ARHGAP26: variants seen among roughly 807,000 people sequenced by gnomAD.
ARHGAP26 encodes Rho GTPase activating protein 26.
Under a neutral mutation model 104.8 loss-of-function variants are expected in ARHGAP26, and 38 were observed. That is an observed-to-expected ratio of 0.36 (90% CI 0.28 to 0.48). The LOEUF (loss-of-function observed/expected upper bound fraction) is 0.48, where lower values mean the gene tolerates loss of function less well. ARHGAP26 is among the 20% of genes least tolerant of loss of function. The probability of loss-of-function intolerance (pLI) is 0.99; values close to 1 mark genes in which losing one functional copy is unlikely to be tolerated. For synonymous variants in ARHGAP26, 341 were observed against 340.0 expected (o/e 1.00, Z -0.03); for missense variants, 704 against 947.9 (o/e 0.74, Z 3.38).
intron 3 of ARHGAP26, among the ~76,000 whole-genome samples, chr5:142,878,438 T>C (rs1017683359): frequency 2.0e-5 from 3 of 152,188 alleles, no homozygotes; most frequent in African/African-American, 7.2e-5. Flanking sequence ...CGTTCAAATA[T>C]GTTTGAGTGC....
At chr5:143,110,821 C>G (rs1185844180) in intron 17 of ARHGAP26, among the ~76,000 whole-genome samples, 3 of 152,178 alleles carry the variant, frequency 2.0e-5, no homozygotes, top group Non-Finnish European at 4.4e-5. Context: ...CTGCTCTTCC[C>G]CATCTGCACC....
Position 143,213,993 on chromosome 5 carries a change from A to G in ARHGAP26, c.2100-4A>G. 6.4e-7 allele frequency: 1 copy of G among 1,573,628 alleles called. No homozygotes were observed. The highest frequency in any genetic ancestry group is 8.7e-7 in the Non-Finnish European group (1 of 1,150,086). ...ATGTTAAATAAACTCCTGTTTTCAC[A>G]CAGCACACCGTTCCGGAAGGCAAAA... On this transcript the variant is annotated splice_region_variant and splice_polypyrimidine_tract_variant and intron_variant, in intron 21 of 22. Coordinates refer to ENST00000645722, the MANE Select transcript of ARHGAP26 (RefSeq NM_001135608.3).
intron 10 of ARHGAP26, among the ~76,000 whole-genome samples, chr5:142,931,505 T>C (rs1035338273): frequency 1.3e-5 from 2 of 152,180 alleles, no homozygotes. Context: ...TTTTAAAAAA[T>C]ACTGTGCACA....
chr5:143,185,820 G>A (rs146913669), intron 20 of ARHGAP26, among the ~76,000 whole-genome samples: 3 of 152,234 alleles, frequency 2.0e-5, no homozygotes, highest in East Asian at 3.9e-4. Flanking sequence ...CAAGGCTGGC[G>A]AGCAGAGGAG....
In ARHGAP26 at chr5:143,168,445, C is replaced by CTTTTTTTTTTTTTTTTTTTTT. The variant is rs10610584; in HGVS notation, c.1988+21075_1988+21095dup. On this transcript the variant is annotated intron_variant, in intron 20 of 22. Coordinates refer to ENST00000645722, the MANE Select transcript of ARHGAP26 (RefSeq NM_001135608.3). ...CAAATAGACCTCACCATCTGGAACTCTTTTTTTTTTTTTTTTTTTTTTTTT... is the reference window on the plus strand; with the variant it reads ...CAAATAGACCTCACCATCTGGAACTCTTTTTTTTTTTTTTTTTTTTTTTTTTTTTTTTTTTTTTTTTTTTTT... 3.1e-4 allele frequency: 8 copies of CTTTTTTTTTTTTTTTTTTTTT among 25,708 alleles called. 2 individuals are homozygous for CTTTTTTTTTTTTTTTTTTTTT. The highest frequency in any genetic ancestry group is 4.1e-4 in the Non-Finnish European group (6 of 14,546). The allele number at this position is 25,708 out of a possible 1,614,324, so 1.6% of individuals were successfully genotyped here.
In ARHGAP26 at chr5:143,004,745, A is replaced by G. The variant is rs563257326; in HGVS notation, c.1108-9335A>G. On this transcript the variant is annotated intron_variant, in intron 11 of 22. Coordinates refer to ENST00000645722, the MANE Select transcript of ARHGAP26 (RefSeq NM_001135608.3). Reference sequence around the variant, plus strand: ...ATGTTTTGAAGCCTTCTCTTCTCCAACCAACACTGTGGTTTAGGGAAACAC... The same window carrying G: ...ATGTTTTGAAGCCTTCTCTTCTCCAGCCAACACTGTGGTTTAGGGAAACAC... Among the ~76,000 whole-genome samples the G allele has an allele frequency of 4.6e-5, 7 of 152,280 alleles. No homozygotes were observed. The East Asian group carries it at 7.7e-4, about 17-fold the overall frequency.
At chr5:143,098,996 T>TA (rs1162478540) in intron 17 of ARHGAP26, among the ~76,000 whole-genome samples, 1 of 152,186 alleles carries the variant, frequency 6.6e-6, no homozygotes, top group Non-Finnish European at 1.5e-5. Flanking sequence ...GAGGCTTGTT[T>TA]ATATGTCCAA....
At chr5:143,182,573 A>G (rs1804537590) in intron 20 of ARHGAP26, among the ~76,000 whole-genome samples, 1 of 152,236 alleles carries the variant, frequency 6.6e-6, no homozygotes, top group African/African-American at 2.4e-5. Context: ...TTGATAAGCT[A>G]TGAACTCCTT....
At chr5:143,219,246 A>T in intron 22 of ARHGAP26, among the ~76,000 whole-genome samples, 1 of 152,226 alleles carries the variant, frequency 6.6e-6, no homozygotes, top group East Asian at 1.9e-4. Flanking sequence ...TCTCATCTGC[A>T]AAATACAGAT....
Position 143,228,228 on chromosome 5 carries a change from A to G in ARHGAP26, c.*5782A>G, listed in dbSNP as rs2151447499. Reference sequence around the variant, plus strand: ...GACAATGCACATCTGTTGATTCTAAAGTATATTTATGTGTGTGTGTATGTG... The same window carrying G: ...GACAATGCACATCTGTTGATTCTAAGGTATATTTATGTGTGTGTGTATGTG... On this transcript the variant is annotated 3_prime_UTR_variant, in exon 23 of 23. Transcript: ENST00000645722. 1 of 224,546 alleles carries G rather than the reference A, an allele frequency of 4.5e-6. No individual in the cohort carries two copies. Among genetic ancestry groups the G allele is most frequent in the Middle Eastern group, 1.3e-3 (1 of 748 alleles). 13.9% of individuals were successfully genotyped at this position (224,546 alleles called of 1,614,324 possible).
At chr5:143,050,113 G>A (rs1257076105) in intron 14 of ARHGAP26, among the ~76,000 whole-genome samples, 1 of 152,150 alleles carries the variant, frequency 6.6e-6, no homozygotes, top group African/African-American at 2.4e-5. Context: ...TGTTGTTGGT[G>A]GGCAGAGGGC....
chr5:142,770,724 G>C lies in ARHGAP26; in HGVS notation c.-38G>C. The C allele has an allele frequency of 8.4e-7, 1 of 1,187,456 alleles. No individual in the cohort carries two copies. Among genetic ancestry groups the C allele is most frequent in the Non-Finnish European group, 1.1e-6 (1 of 951,452 alleles). 73.6% of individuals were successfully genotyped at this position (1,187,456 alleles called of 1,614,324 possible). A position where few individuals can be genotyped will look rare whatever the true frequency, so the allele number is the denominator to read the frequency against. On this transcript the variant is annotated 5_prime_UTR_variant, in exon 1 of 23. Transcript: ENST00000645722. ...CTGGGCGGCGGGCGGCCCGGGCCCC[G>C]GCGGAGGCGCGCCCCCCGGCTGGGC...
chr5:142,963,102 C>G (rs886252761), intron 11 of ARHGAP26, among the ~76,000 whole-genome samples: 4 of 150,268 alleles, frequency 2.7e-5, no homozygotes, highest in African/African-American at 7.4e-5. Context: ...ACCTCCAGCT[C>G]CATCCATCTT....
chr5:142,777,922 C>T (rs1213958917), intron 1 of ARHGAP26, among the ~76,000 whole-genome samples: 5 of 152,206 alleles, frequency 3.3e-5, no homozygotes, highest in African/African-American at 1.2e-4. Flanking sequence ...CATGATCGTA[C>T]TCATACTTTA....
chr5:143,170,484 A>G (rs559820889), intron 20 of ARHGAP26: 3 of 152,270 alleles, frequency 2.0e-5, no homozygotes, highest in African/African-American at 7.2e-5. Context: ...CCTCAGTTTG[A>G]TCTTCCAGTG....
chr5:143,051,384 A>G (rs1057039719), intron 14 of ARHGAP26, among the ~76,000 whole-genome samples: 4 of 152,214 alleles, frequency 2.6e-5, no homozygotes, highest in African/African-American at 9.6e-5. Flanking sequence ...CTTTCCCCAC[A>G]TGATGCCTTT....
intron 17 of ARHGAP26, among the ~76,000 whole-genome samples, chr5:143,102,118 T>C (rs982046153): frequency 5.9e-5 from 9 of 152,038 alleles, no homozygotes; most frequent in African/African-American, 2.2e-4. Context: ...TGTTTCTGAG[T>C]GATATAGACA....
chr5:143,116,893 G>A (rs1311118824), intron 17 of ARHGAP26, among the ~76,000 whole-genome samples: 1 of 152,184 alleles, frequency 6.6e-6, no homozygotes, highest in Non-Finnish European at 1.5e-5. Flanking sequence ...CTGAAGTCAT[G>A]CCCCTCGGGA....
chr5:143,126,573 G>A (rs1283621709), intron 18 of ARHGAP26, among the ~76,000 whole-genome samples: 2 of 152,196 alleles, frequency 1.3e-5, no homozygotes, highest in African/African-American at 2.4e-5. Context: ...TTGCAGCTCA[G>A]ATAGTGTCAC....
Sources: allele counts gnomAD v4.1 joint callset (sites outside exome capture counted in the v4.1 genomes callset), GRCh38; gene constraint gnomAD v4.1.1; transcripts MANE v1.5; gene names NCBI Gene and HGNC (gene_info 2026-07-23, HGNC 2026-07-21).